GALNT17: variants seen among roughly 807,000 people sequenced by gnomAD.
GALNT17 encodes the protein polypeptide N-acetylgalactosaminyltransferase 17.
In GALNT17, 29 loss-of-function variants were observed where a neutral mutation model predicts 63.7. The observed-to-expected ratio is 0.46, with a 90% CI of 0.34 to 0.62. GALNT17 has a LOEUF of 0.62. Among genes scored for constraint, GALNT17 ranks in the 20% least tolerant of loss-of-function variants. The pLI is 0.01. For missense variants in GALNT17, 603 were observed against 799.6 expected, an observed-to-expected ratio of 0.75 and a Z score of 2.97; for synonymous variants, 305 against 318.3, an observed-to-expected ratio of 0.96 and a Z score of 0.45.
chr7:71,712,126 A>G lies in GALNT17; in HGVS notation c.1777A>G (p.Ile593Val), dbSNP rs1389827117. The G allele has an allele frequency of 6.2e-7, 1 of 1,613,538 alleles. No individual in the cohort carries two copies. The highest frequency in any genetic ancestry group is 8.5e-7 in the Non-Finnish European group (1 of 1,179,750). Reference protein sequence around the residue: ...LRSCTGQRWTIKNSIK With the variant: ...LRSCTGQRWTVKNSIK ...CAGCTGCACAGGTCAGAGGTGGACC[A>G]TTAAGAACTCCATCAAGTAGAGGGA... Residue 593 changes from isoleucine (I) to valine (V), a missense_variant, in exon 11 of 11, where the codon ATT becomes GTT. Coordinates refer to ENST00000333538, the MANE Select transcript of GALNT17 (RefSeq NM_022479.3).
At chr7:71,644,307 T>C (rs996907286) in intron 6 of GALNT17, among the ~76,000 whole-genome samples, 9 of 150,814 alleles carry the variant, frequency 6.0e-5, no homozygotes, top group Admixed American at 5.3e-4. Context: ...AAGGTCAAGG[T>C]GAGCGGATCA....
Position 71,577,288 on chromosome 7 carries a change from C to G in GALNT17, c.1080+5886C>G, listed in dbSNP as rs375237834. ...ATGTTCACTACCTGGGTGATGGCAT[C>G]GGTTGTTCCTCCAAAGCTCAGCATC... is the stretch of plus-strand genomic sequence containing the variant. On this transcript the variant is annotated intron_variant, in intron 6 of 10. Transcript: ENST00000333538. 1.5e-3 allele frequency among the ~76,000 whole-genome samples: 221 copies of G among 152,266 alleles called. 1 individual carries two copies. The highest frequency in any genetic ancestry group is 5.0e-3 in the African/African-American group (209 of 41,546).
At chr7:71,408,375 G>A (rs972212969) in intron 3 of GALNT17, among the ~76,000 whole-genome samples, 9 of 152,212 alleles carry the variant, frequency 5.9e-5, no homozygotes, top group African/African-American at 1.2e-4. Flanking sequence ...GTGGGGAGAG[G>A]TGTTGGTGAT....
At chr7:71,314,408 G>A (rs961116661) in intron 1 of GALNT17, among the ~76,000 whole-genome samples, 2 of 152,106 alleles carry the variant, frequency 1.3e-5, no homozygotes, top group Non-Finnish European at 2.9e-5. Flanking sequence ...GAGAGAGAAA[G>A]AGAGGGTGTT....
intron 5 of GALNT17, among the ~76,000 whole-genome samples, chr7:71,566,764 CTG>C (rs1328879654): frequency 6.6e-6 from 1 of 150,960 alleles, no homozygotes; most frequent in African/African-American, 2.4e-5. Context: ...TTATCTAACA[CTG>C]TTTATGTGGA....
chr7:71,645,712 G>T (rs1392331066), intron 6 of GALNT17, among the ~76,000 whole-genome samples: 1 of 152,162 alleles, frequency 6.6e-6, no homozygotes, highest in Non-Finnish European at 1.5e-5. Context: ...TTTCTTCAGT[G>T]TATAAGTACC....
At chr7:71,442,707 T>A (rs1470342593) in intron 5 of GALNT17, among the ~76,000 whole-genome samples, 1 of 152,152 alleles carries the variant, frequency 6.6e-6, no homozygotes, top group East Asian at 1.9e-4. Context: ...ATTCTGGTAG[T>A]ACATCCTTAC....
chr7:71,652,453 C>A, intron 6 of GALNT17, among the ~76,000 whole-genome samples: 1 of 152,272 alleles, frequency 6.6e-6, no homozygotes, highest in East Asian at 1.9e-4. Flanking sequence ...CCATCTCTAG[C>A]ATGGCAGAGA....
At chr7:71,314,356 A>C (rs997328196) in intron 1 of GALNT17, among the ~76,000 whole-genome samples, 1 of 152,166 alleles carries the variant, frequency 6.6e-6, no homozygotes, top group Non-Finnish European at 1.5e-5. Flanking sequence ...TTTGGAGAAC[A>C]GTGCAGCCCC....
intron 1 of GALNT17, among the ~76,000 whole-genome samples, chr7:71,160,306 A>C (rs1245753163): frequency 1.3e-5 from 2 of 152,216 alleles, no homozygotes; most frequent in African/African-American, 4.8e-5. Context: ...TTCCCATATT[A>C]TTAAACACCT....
chr7:71,600,989 C>T (rs1338453923), intron 6 of GALNT17, among the ~76,000 whole-genome samples: 2 of 152,050 alleles, frequency 1.3e-5, no homozygotes, highest in East Asian at 1.9e-4. Context: ...TTAGCTCCCA[C>T]GTATCAGTGA....
rs1023715335 is a variant in GALNT17 at position 71,237,088 on chromosome 7, G to A, written c.239-98462G>A. Among the ~76,000 whole-genome samples, 4 of 152,266 alleles carry A rather than the reference G, an allele frequency of 2.6e-5. No individual in the cohort carries two copies. In the East Asian group the frequency reaches 5.8e-4, roughly 22 times the overall value. On this transcript the variant is annotated intron_variant, in intron 1 of 10. Transcript: ENST00000333538. Reference sequence around the variant, plus strand: ...TTCTTTTTTGGGGGTCCAGAGAGTGGGAGGTAGGGTCAAAAACCACGGGAG... The same window carrying A: ...TTCTTTTTTGGGGGTCCAGAGAGTGAGAGGTAGGGTCAAAAACCACGGGAG...
chr7:71,156,438 A>G (rs1413789092), intron 1 of GALNT17, among the ~76,000 whole-genome samples: 1 of 151,786 alleles, frequency 6.6e-6, no homozygotes, highest in Non-Finnish European at 1.5e-5. Context: ...CAAAAGCTGA[A>G]TGGGTGAGTC....
intron 1 of GALNT17, among the ~76,000 whole-genome samples, chr7:71,170,311 T>A (rs73361771): frequency 7.2e-5 from 11 of 152,088 alleles, no homozygotes; most frequent in African/African-American, 2.7e-4. Context: ...GTTTAAAAGT[T>A]GAAGCTTTAT....
chr7:71,204,701 A>G (rs1789238544), intron 1 of GALNT17, among the ~76,000 whole-genome samples: 1 of 150,648 alleles, frequency 6.6e-6, no homozygotes, highest in African/African-American at 2.4e-5. Flanking sequence ...GAGTACCTGA[A>G]ACTACCGGCA....
At chr7:71,526,707 A>G (rs1313560274) in intron 5 of GALNT17, among the ~76,000 whole-genome samples, 1 of 151,748 alleles carries the variant, frequency 6.6e-6, no homozygotes, top group Non-Finnish European at 1.5e-5. Context: ...TTTAGTAGAG[A>G]CAGGGTTTCA....
chr7:71,287,624 A>G (rs1790898830), intron 1 of GALNT17, among the ~76,000 whole-genome samples: 4 of 152,344 alleles, frequency 2.6e-5, no homozygotes, highest in African/African-American at 9.6e-5. Context: ...GGTAACTACT[A>G]ATAGCCTACT....
At chr7:71,534,619 A>G (rs1356000095) in intron 5 of GALNT17, among the ~76,000 whole-genome samples, 1 of 141,140 alleles carries the variant, frequency 7.1e-6, no homozygotes, top group Non-Finnish European at 1.5e-5. Context: ...AAAAAAAAAA[A>G]TCAGATCTCA....
chr7:71,515,408 C>CTTAA (rs1388317167), intron 5 of GALNT17, among the ~76,000 whole-genome samples: 2 of 152,178 alleles, frequency 1.3e-5, no homozygotes. Flanking sequence ...ACTGAAGCTT[C>CTTAA]TTAATTATGT....
Sources: allele counts gnomAD v4.1 joint callset (sites outside exome capture counted in the v4.1 genomes callset), GRCh38; gene constraint gnomAD v4.1.1; transcripts MANE v1.5; gene names NCBI Gene and HGNC (gene_info 2026-07-23, HGNC 2026-07-21).